KCTD1: variants seen among roughly 807,000 people sequenced by gnomAD.
KCTD1 encodes the protein BTB/POZ domain-containing protein KCTD1.
KCTD1 carries 24 observed loss-of-function variants against 66.0 expected under a neutral mutation model. The ratio of observed to expected loss-of-function variants is 0.36; its 90% CI spans 0.26 to 0.51. The LOEUF (loss-of-function observed/expected upper bound fraction) is 0.51. Ranked by LOEUF, KCTD1 falls within the 20% of genes least tolerant of loss-of-function variation. KCTD1 has a pLI of 0.95. For synonymous variants in KCTD1, 511 were observed against 517.2 expected (o/e 0.99, Z 0.16); for missense variants, 943 against 1,205.2 (o/e 0.78, Z 3.22).
At chr18:26,497,055 T>C (rs191660405) in intron 2 of KCTD1, among the ~76,000 whole-genome samples, 40 of 152,328 alleles carry the variant, frequency 2.6e-4, no homozygotes, top group African/African-American at 9.1e-4. Flanking sequence ...TCCATCATAG[T>C]ACTTTTTGGG....
At chr18:26,609,460 C>CG (rs1598965190) in intron 1 of KCTD1, among the ~76,000 whole-genome samples, 2 of 152,228 alleles carry the variant, frequency 1.3e-5, no homozygotes, top group East Asian at 3.9e-4. Flanking sequence ...ACCATATTAC[C>CG]GGGTGATGGA....
chr18:26,637,804 C>A (rs142189502), intron 1 of KCTD1, among the ~76,000 whole-genome samples: 38 of 152,312 alleles, frequency 2.5e-4, no homozygotes, highest in East Asian at 3.9e-4. Flanking sequence ...AGCTGTGCAA[C>A]CTTGAGAAAG....
intron 1 of KCTD1, among the ~76,000 whole-genome samples, chr18:26,586,927 G>C (rs1295193144): frequency 1.3e-5 from 2 of 152,262 alleles, no homozygotes; most frequent in Non-Finnish European, 2.9e-5. Context: ...TAACATGAAA[G>C]TGCAAGGTAA....
At chr18:26,535,057 C>T (rs993899636) in intron 1 of KCTD1, among the ~76,000 whole-genome samples, 1 of 124,148 alleles carries the variant, frequency 8.1e-6, no homozygotes, top group Non-Finnish European at 1.6e-5. Flanking sequence ...CCTGTTCTGG[C>T]TGGGCAAGAG....
intron 1 of KCTD1, among the ~76,000 whole-genome samples, chr18:26,605,983 G>A (rs1385878598): frequency 6.6e-6 from 1 of 152,124 alleles, no homozygotes; most frequent in Admixed American, 6.5e-5. Flanking sequence ...TGCTTTTAGG[G>A]AGACATCAGT....
intron 1 of KCTD1, among the ~76,000 whole-genome samples, chr18:26,515,055 T>C (rs1983581858): frequency 6.6e-6 from 1 of 152,238 alleles, no homozygotes; most frequent in Admixed American, 6.5e-5. Flanking sequence ...AAAGGAGACA[T>C]CTGTGTTCTT....
chr18:26,559,466 G>T (rs538715138), intron 1 of KCTD1, among the ~76,000 whole-genome samples: 1 of 152,332 alleles, frequency 6.6e-6, no homozygotes, highest in South Asian at 2.1e-4. Flanking sequence ...CAGCCAGTCT[G>T]GGGTGGAGCT....
chr18:26,545,589 C>T (rs183805868), intron 1 of KCTD1: 2 of 151,930 alleles, frequency 1.3e-5, no homozygotes, highest in Non-Finnish European at 2.9e-5. Context: ...TGCACTATAC[C>T]TTCAGACCTG....
At chr18:26,655,136 C>T (rs1056641063) in intron 1 of KCTD1, among the ~76,000 whole-genome samples, 4 of 152,156 alleles carry the variant, frequency 2.6e-5, no homozygotes, top group African/African-American at 9.7e-5. Context: ...CTTTTAAAAT[C>T]CTTTATTTTC....
intron 3 of KCTD1, among the ~76,000 whole-genome samples, chr18:26,463,181 C>G (rs1006534685): frequency 6.6e-6 from 1 of 152,190 alleles, no homozygotes; most frequent in Admixed American, 6.5e-5. Flanking sequence ...TCTGGCCAGG[C>G]ACAGTGGCTC....
chr18:26,469,244 A>G (rs770938520), intron 3 of KCTD1, among the ~76,000 whole-genome samples: 1 of 151,740 alleles, frequency 6.6e-6, no homozygotes, highest in Non-Finnish European at 1.5e-5. Flanking sequence ...TGGTACTTAG[A>G]ATTGATAAAT....
intron 1 of KCTD1, among the ~76,000 whole-genome samples, chr18:26,624,921 T>A (rs1422785426): frequency 1.3e-5 from 2 of 152,174 alleles, no homozygotes; most frequent in African/African-American, 4.8e-5. Context: ...GCCATGGGAG[T>A]CCACCTCTTG....
chr18:26,535,965 T>C (rs543060964), intron 1 of KCTD1, among the ~76,000 whole-genome samples: 87 of 26,536 alleles, frequency 3.3e-3, no homozygotes, highest in African/African-American at 7.8e-3. Flanking sequence ...GACTGAGTGA[T>C]TCCTCCAAAA....
intron 1 of KCTD1, chr18:26,575,251 C>T (rs1046431007): frequency 3.9e-5 from 6 of 152,168 alleles, no homozygotes; most frequent in Admixed American, 2.6e-4. Context: ...ACCGAAAGTA[C>T]TGCAGGGCAT....
chr18:26,505,996 C>G (rs749382759), intron 1 of KCTD1, among the ~76,000 whole-genome samples: 5 of 152,134 alleles, frequency 3.3e-5, no homozygotes, highest in African/African-American at 4.8e-5. Context: ...ATGCCTCAGC[C>G]TCCCGAGTAG....
At chr18:26,632,312 G>A (rs1016998792), upstream of KCTD1, among the ~76,000 whole-genome samples, 1 of 151,798 alleles carries the variant, frequency 6.6e-6, no homozygotes, top group African/African-American at 2.4e-5. Flanking sequence ...CTTGAACCTA[G>A]GAGGCAGAGG....
chr18:26,562,436 G>T (rs541848537), intron 1 of KCTD1, among the ~76,000 whole-genome samples: 123 of 140,626 alleles, frequency 8.7e-4, no homozygotes, highest in African/African-American at 2.5e-3. Flanking sequence ...TGGGGGGTGG[G>T]GGGGTGGGGG....
intron 1 of KCTD1, among the ~76,000 whole-genome samples, chr18:26,615,735 G>A (rs988057940): frequency 3.2e-4 from 48 of 152,164 alleles, no homozygotes; most frequent in Non-Finnish European, 6.6e-4. Flanking sequence ...GCATTTCCAA[G>A]GAAAGGACGT....
rs148230736 is a variant in KCTD1, at chr18:26,635,988, G to C, written c.-107+4323C>G. On this transcript the variant is annotated intron_variant, in intron 1 of 5. Transcript: ENST00000579973. The stretch of plus-strand genomic sequence containing the variant: ...TGAGGACACACACCAGGGAACTGCA[G>C]GAGGGTGTGGGAGGGGTTGTTATGG... Among the ~76,000 whole-genome samples the C allele has an allele frequency of 5.5e-3, 835 of 152,316 alleles. 2 individuals are homozygous for C. The highest frequency in any genetic ancestry group is 9.4e-3 in the Non-Finnish European group (639 of 68,038).
Sources: gnomAD v4.1 joint callset for allele counts (sites outside exome capture counted in the v4.1 genomes callset) on GRCh38, gnomAD v4.1.1 for gene constraint, MANE v1.5 for transcripts, NCBI Gene and HGNC (gene_info 2026-07-23, HGNC 2026-07-21) for gene names.